Variants in TNFRSF11B observed in about 807,000 individuals in gnomAD.
The protein encoded by TNFRSF11B is tumor necrosis factor receptor superfamily member 11B.
In TNFRSF11B, 16 loss-of-function variants were observed where a neutral mutation model predicts 43.4. The observed-to-expected ratio is 0.37, with a 90% CI of 0.25 to 0.56. The LOEUF (loss-of-function observed/expected upper bound fraction) is 0.56. Ranked by LOEUF, TNFRSF11B falls within the 20% of genes least tolerant of loss-of-function variation. TNFRSF11B has a pLI of 0.80. For synonymous variants in TNFRSF11B, 185 were observed against 181.8 expected (o/e 1.02, Z -0.14); for missense variants, 444 against 490.1 (o/e 0.91, Z 0.89).
At chr8:118,942,647 A>T (rs1812503813) in intron 1 of TNFRSF11B, among the ~76,000 whole-genome samples, 1 of 152,158 alleles carries the variant, frequency 6.6e-6, no homozygotes, top group Non-Finnish European at 1.5e-5. Context: ...TGCTATTATC[A>T]TTCCATCCCC....
intron 2 of TNFRSF11B, chr8:118,930,794 A>G (rs1436163328): frequency 1.1e-5 from 5 of 439,498 alleles, no homozygotes; most frequent in Admixed American, 9.5e-5. Context: ...TATGTGTCAG[A>G]TATTTCTTTT....
Position 118,941,166 on chromosome 8 carries a change from TTGTA to T in TNFRSF11B, c.31-7870_31-7867del, listed in dbSNP as rs1812479221. ...AGCATCTTTCATCTCACATGGTGTTTTGTATGTACTGTTCCATTTGTTCTTAACT... is the reference window on the plus strand; with the variant it reads ...AGCATCTTTCATCTCACATGGTGTTTTGTACTGTTCCATTTGTTCTTAACT... On this transcript the variant is annotated intron_variant, in intron 1 of 4. Coordinates refer to ENST00000297350, the MANE Select transcript of TNFRSF11B (RefSeq NM_002546.4). 2.6e-5 allele frequency among the ~76,000 whole-genome samples: 4 copies of T among 152,334 alleles called. No homozygotes were observed. The South Asian group carries it at 8.3e-4, about 32-fold the overall frequency.
intron 1 of TNFRSF11B, among the ~76,000 whole-genome samples, chr8:118,948,134 G>A (rs1812593045): frequency 1.3e-5 from 2 of 152,140 alleles, no homozygotes; most frequent in South Asian, 2.1e-4. Context: ...CTGCCCTACA[G>A]GGTAAACCAT....
chr8:118,938,810 A>G (rs1453283534), intron 1 of TNFRSF11B, among the ~76,000 whole-genome samples: 1 of 152,354 alleles, frequency 6.6e-6, no homozygotes, highest in Non-Finnish European at 1.5e-5. Flanking sequence ...TTCCTAAAAA[A>G]CAAAAGAATA....
chr8:118,930,980 A>G (rs2129892037), intron 2 of TNFRSF11B, among the ~76,000 whole-genome samples: 1 of 152,262 alleles, frequency 6.6e-6, no homozygotes, highest in East Asian at 1.9e-4. Context: ...TAATGATTTT[A>G]CCTTATTACT....
intron 1 of TNFRSF11B, among the ~76,000 whole-genome samples, chr8:118,945,234 CTG>C (rs1275090303): frequency 1.3e-5 from 2 of 151,880 alleles, no homozygotes; most frequent in African/African-American, 4.8e-5. Flanking sequence ...ATAGACAAGT[CTG>C]TTTGATATTT....
chr8:118,942,017 G>A (rs563858916), intron 1 of TNFRSF11B, among the ~76,000 whole-genome samples: 1 of 152,168 alleles, frequency 6.6e-6, no homozygotes, highest in South Asian at 2.1e-4. Context: ...TACAATCCCT[G>A]GCATTCTGGC....
intron 1 of TNFRSF11B, among the ~76,000 whole-genome samples, chr8:118,943,669 A>G (rs1003558059): frequency 6.6e-6 from 1 of 152,182 alleles, no homozygotes; most frequent in Non-Finnish European, 1.5e-5. Flanking sequence ...GAAATATGGT[A>G]TGTAAGGTCC....
In TNFRSF11B at chr8:118,928,223, T is replaced by TGTTGGTCAG. The variant is rs1273610863; in HGVS notation, c.592+506_592+514dup. On this transcript the variant is annotated intron_variant, in intron 3 of 4. Transcript: ENST00000297350. ...TTTTAGTAGAGACAAGGTTTCACCA[T>TGTTGGTCAG]GTTGGTCAGGCTGGTCTTGAAATCC... Among the ~76,000 whole-genome samples, 10 of 152,232 alleles carry TGTTGGTCAG rather than the reference T, an allele frequency of 6.6e-5. No individual in the cohort carries two copies. In the East Asian group the frequency reaches 1.7e-3, roughly 26 times the overall value.
At chr8:118,932,844 T>C in intron 2 of TNFRSF11B, 87 bp downstream of exon 2, 2 of 1,568,106 alleles carry the variant, frequency 1.3e-6, no homozygotes, top group South Asian at 2.3e-5. Context: ...TCCTATAATG[T>C]CATCAGAACA....
intron 1 of TNFRSF11B, among the ~76,000 whole-genome samples, chr8:118,949,155 C>A (rs1274923461): frequency 6.6e-6 from 1 of 152,012 alleles, no homozygotes; most frequent in Non-Finnish European, 1.5e-5. Context: ...CATCCCATCC[C>A]TACCTCCTTC....
At chr8:118,946,825 A>G (rs1040108690) in intron 1 of TNFRSF11B, among the ~76,000 whole-genome samples, 4 of 152,182 alleles carry the variant, frequency 2.6e-5, no homozygotes, top group African/African-American at 9.7e-5. Flanking sequence ...TTTTATATCT[A>G]AATGCCTACT....
At chr8:118,945,626 G>A (rs1319532745) in intron 1 of TNFRSF11B, among the ~76,000 whole-genome samples, 1 of 152,048 alleles carries the variant, frequency 6.6e-6, no homozygotes, top group Non-Finnish European at 1.5e-5. Context: ...TGGTGGTGGT[G>A]GTGAAATTGA....
At position 118,924,769 on chromosome 8, in the gene TNFRSF11B, A is replaced by G. The variant is rs1812226418; in HGVS notation, c.818-7T>C. ...TTTTCACAGAGGTCAATATCTGCAT[A>G]AAGCAAAAGCCCAGATAAGTGTTCA... On this transcript the variant is annotated splice_polypyrimidine_tract_variant and splice_region_variant and intron_variant, in intron 4 of 4. Coordinates refer to ENST00000297350, the MANE Select transcript of TNFRSF11B (RefSeq NM_002546.4). 1 of 1,614,094 alleles carries G rather than the reference A, an allele frequency of 6.2e-7. No individual in the cohort carries two copies. Among genetic ancestry groups the G allele is most frequent in the East Asian group, 2.2e-5 (1 of 44,888 alleles).
chr8:118,932,622 T>C (rs1306003890), intron 2 of TNFRSF11B, among the ~76,000 whole-genome samples: 1 of 149,890 alleles, frequency 6.7e-6, no homozygotes, highest in Non-Finnish European at 1.5e-5. Context: ...TATAGAGGTA[T>C]AGATCAACTA....
intron 1 of TNFRSF11B, among the ~76,000 whole-genome samples, chr8:118,941,666 T>G (rs1563692821): frequency 1.3e-5 from 2 of 152,064 alleles, no homozygotes; most frequent in Non-Finnish European, 2.9e-5. Context: ...GTTTTTTGCT[T>G]CTTCAGGGGA....
intron 1 of TNFRSF11B, among the ~76,000 whole-genome samples, chr8:118,951,404 T>A (rs1332271807): frequency 6.6e-6 from 1 of 152,190 alleles, no homozygotes; most frequent in Non-Finnish European, 1.5e-5. Flanking sequence ...GGACCACTTC[T>A]TTGCCACTAA....
chr8:118,936,522 G>T (rs1812408219), intron 1 of TNFRSF11B, among the ~76,000 whole-genome samples: 1 of 152,072 alleles, frequency 6.6e-6, no homozygotes, highest in African/African-American at 2.4e-5. Context: ...CTTTCTCTCG[G>T]TTTCTTCTGC....
In TNFRSF11B at chr8:118,926,863, G is replaced by C. The variant is rs1812252111; in HGVS notation, c.593-145C>G. ...AAATGCAAAGTTTGAATAAAATCAA[G>C]CTTCTGTTGGCTGGTCTTAGTGGCA... On this transcript the variant is annotated intron_variant, in intron 3 of 4. Coordinates refer to ENST00000297350, the MANE Select transcript of TNFRSF11B (RefSeq NM_002546.4). The C allele has an allele frequency of 7.0e-6, 6 of 856,098 alleles. No individual in the cohort carries two copies. The East Asian group carries it at 1.6e-4, about 23-fold the overall frequency. The allele number at this position is 856,098 out of a possible 1,614,324, so 53.0% of individuals were successfully genotyped here. A position where few individuals can be genotyped will look rare whatever the true frequency, so the allele number is the denominator to read the frequency against.
Sources: gnomAD v4.1 joint callset for allele counts (sites outside exome capture counted in the v4.1 genomes callset) on GRCh38, gnomAD v4.1.1 for gene constraint, MANE v1.5 for transcripts, NCBI Gene and HGNC (gene_info 2026-07-23, HGNC 2026-07-21) for gene names.